The following SPIN1 variants were observed in gnomAD, a reference collection of about 807,000 sequenced individuals.
SPIN1 encodes the protein spindlin 1.
Under a neutral mutation model 26.0 loss-of-function variants are expected in SPIN1, and 3 were observed. That is an observed-to-expected ratio of 0.12 (90% CI 0.05 to 0.30). The LOEUF (loss-of-function observed/expected upper bound fraction) is 0.30. Ranked by LOEUF, SPIN1 falls within the 10% of genes least tolerant of loss-of-function variation. The probability of loss-of-function intolerance (pLI) is 1.00; values close to 1 mark genes in which losing one functional copy is unlikely to be tolerated. For synonymous variants in SPIN1, 101 were observed against 116.5 expected (o/e 0.87, Z 0.86); for missense variants, 126 against 333.4 (o/e 0.38, Z 4.84).
intron 4 of SPIN1, among the ~76,000 whole-genome samples, chr9:88,467,996 G>A (rs1828705507): frequency 6.6e-6 from 1 of 152,102 alleles, no homozygotes; most frequent in Admixed American, 6.5e-5. Flanking sequence ...TCTTCTGTAA[G>A]TCTGAAATTA....
chr9:88,435,851 T>C (rs2118069451), intron 2 of SPIN1, among the ~76,000 whole-genome samples: 1 of 152,314 alleles, frequency 6.6e-6, no homozygotes, highest in East Asian at 1.9e-4. Flanking sequence ...CTTTGGAACC[T>C]TCTGCTCTTC....
intron 1 of SPIN1, among the ~76,000 whole-genome samples, chr9:88,423,901 GACCAAGGGCATACGCC>G (rs1827718165): frequency 1.3e-5 from 2 of 152,052 alleles, no homozygotes; most frequent in Admixed American, 6.6e-5. Flanking sequence ...GAGTAGCTGG[GACCAAGGGCATACGCC>G]ACCATGTTCG....
intron 1 of SPIN1, among the ~76,000 whole-genome samples, chr9:88,406,041 GTA>G (rs1362629274): frequency 6.8e-6 from 1 of 146,716 alleles, no homozygotes; most frequent in African/African-American, 2.5e-5. Context: ...GTGTGTGTGT[GTA>G]CGTGTACGTG....
rs901499823 is a variant in SPIN1 at position 88,466,831 on chromosome 9, G to A, written c.356-1541G>A. ...TGTCTCACTGCAGCCTCGACCTCTG[G>A]GTTTAGGTGATTCACCACCTGAGCC... On this transcript the variant is annotated intron_variant, in intron 4 of 5. Transcript: ENST00000375859. Among the ~76,000 whole-genome samples the A allele has an allele frequency of 8.5e-5, 13 of 152,206 alleles. No individual in the cohort carries two copies. The East Asian group carries it at 2.5e-3, about 29-fold the overall frequency.
chr9:88,431,472 T>C (rs1392400891), intron 2 of SPIN1, among the ~76,000 whole-genome samples: 1 of 151,572 alleles, frequency 6.6e-6, no homozygotes, highest in Non-Finnish European at 1.5e-5. Flanking sequence ...GTATTTTTAG[T>C]AGAGACGGGG....
intron 1 of SPIN1, chr9:88,410,459 A>C (rs763443903): frequency 2.9e-6 from 2 of 680,518 alleles, no homozygotes; most frequent in Admixed American, 2.0e-5. Flanking sequence ...TGAATTCACA[A>C]ATCTGTTTTA....
intron 2 of SPIN1, among the ~76,000 whole-genome samples, chr9:88,434,312 AT>A (rs1564031528): frequency 6.6e-6 from 1 of 151,342 alleles, no homozygotes; most frequent in East Asian, 1.9e-4. Flanking sequence ...TTATTTTATA[AT>A]TTATAAAATT....
At position 88,398,231 on chromosome 9, in the gene SPIN1, A is replaced by G. The variant is rs377314860; in HGVS notation, c.-159+9693A>G. Among the ~76,000 whole-genome samples, 20 of 152,058 alleles carry G rather than the reference A, an allele frequency of 1.3e-4. No individual in the cohort carries two copies. In the East Asian group the frequency reaches 2.5e-3, roughly 19 times the overall value. On this transcript the variant is annotated intron_variant, in intron 1 of 5. Transcript: ENST00000375859. Reference sequence around the variant, plus strand: ...CCACCTGTGCCACTGCACTACAGGCATGAGTCACCGTGCCTGGCTGTCTGA... The same window carrying G: ...CCACCTGTGCCACTGCACTACAGGCGTGAGTCACCGTGCCTGGCTGTCTGA...
chr9:88,417,349 C>T (rs1827588225), intron 1 of SPIN1, among the ~76,000 whole-genome samples: 1 of 152,322 alleles, frequency 6.6e-6, no homozygotes, highest in South Asian at 2.1e-4. Flanking sequence ...TCTCTGATGA[C>T]TCCAGTTGGT....
chr9:88,423,856 C>G (rs749210933), intron 1 of SPIN1, among the ~76,000 whole-genome samples: 2 of 151,974 alleles, frequency 1.3e-5, no homozygotes, highest in Non-Finnish European at 2.9e-5. Context: ...ACCTCTGCCT[C>G]CTGGGTTCAA....
At chr9:88,438,254 A>G (rs887916050) in intron 2 of SPIN1, among the ~76,000 whole-genome samples, 2 of 151,800 alleles carry the variant, frequency 1.3e-5, no homozygotes, top group African/African-American at 2.4e-5. Context: ...TTATGTTTTC[A>G]TTTTCACTTA....
intron 3 of SPIN1, chr9:88,458,094 A>G (rs1828505458): frequency 3.1e-6 from 2 of 639,290 alleles, no homozygotes; most frequent in Non-Finnish European, 3.9e-6. Flanking sequence ...GTTTAGGTAT[A>G]ATATATGCAA....
chr9:88,423,613 A>G (rs1182778286), intron 1 of SPIN1, among the ~76,000 whole-genome samples: 3 of 151,032 alleles, frequency 2.0e-5, no homozygotes, highest in East Asian at 2.0e-4. Context: ...TAATTTTTGT[A>G]TTTTTAGTAG....
chr9:88,404,943 A>AGG (rs1421502896), intron 1 of SPIN1, among the ~76,000 whole-genome samples: 1 of 151,498 alleles, frequency 6.6e-6, no homozygotes, highest in Non-Finnish European at 1.5e-5. Flanking sequence ...AAAAAAAAAA[A>AGG]CTAAGATACT....
chr9:88,445,143 A>AT (rs1382659559), intron 2 of SPIN1, among the ~76,000 whole-genome samples: 3 of 152,178 alleles, frequency 2.0e-5, no homozygotes, highest in African/African-American at 4.8e-5. Context: ...TAAGTTGGGG[A>AT]TTGAAAAGGG....
At chr9:88,442,198 G>A (rs1392984702) in intron 2 of SPIN1, among the ~76,000 whole-genome samples, 1 of 151,640 alleles carries the variant, frequency 6.6e-6, no homozygotes, top group Non-Finnish European at 1.5e-5. Flanking sequence ...ATCACTTTTT[G>A]TTTGTGTGAG....
chr9:88,409,360 G>C (rs1370633505), intron 1 of SPIN1, among the ~76,000 whole-genome samples: 5 of 151,066 alleles, frequency 3.3e-5, no homozygotes, highest in African/African-American at 1.2e-4. Context: ...TGTTGGCTCT[G>C]TGTGTGTGTA....
intron 3 of SPIN1, among the ~76,000 whole-genome samples, chr9:88,451,417 T>G (rs1828349176): frequency 6.6e-6 from 1 of 152,194 alleles, no homozygotes; most frequent in Non-Finnish European, 1.5e-5. Flanking sequence ...TGGGTTTGTG[T>G]TTTTTAAGAA....
intron 1 of SPIN1, among the ~76,000 whole-genome samples, chr9:88,410,178 T>TGTGTGTGTGTGC (rs1827407816): frequency 7.0e-6 from 1 of 141,950 alleles, no homozygotes; most frequent in African/African-American, 3.1e-5. Context: ...TGTGTGTGTG[T>TGTGTGTGTGTGC]GTGTGTGTGT....
Sources: allele counts gnomAD v4.1 joint callset (sites outside exome capture counted in the v4.1 genomes callset), GRCh38; gene constraint gnomAD v4.1.1; transcripts MANE v1.5; gene names NCBI Gene and HGNC (gene_info 2026-07-23, HGNC 2026-07-21).